The following CDH18 variants were observed in gnomAD, a reference collection of about 807,000 sequenced individuals.
The protein encoded by CDH18 is cadherin 18.
In CDH18, 31 loss-of-function variants were observed where a neutral mutation model predicts 67.9. The ratio of observed to expected loss-of-function variants is 0.46; its 90% CI spans 0.34 to 0.62. The LOEUF (loss-of-function observed/expected upper bound fraction) is 0.62, where lower values mean the gene tolerates loss of function less well. Among genes scored for constraint, CDH18 ranks in the 20% least tolerant of loss-of-function variants. The pLI is 0.01. For synonymous variants in CDH18, 362 were observed against 347.2 expected (o/e 1.04, Z -0.48); for missense variants, 890 against 975.5 (o/e 0.91, Z 1.17).
rs1438363834 is a variant in CDH18, at chr5:19,567,055, G to A, written c.1253+4524C>T. The stretch of plus-strand genomic sequence containing the variant: ...ACAATTGAACCCAAGGAGATAGGGG[G>A]TAGAATAATGGTTGTCAGAGGCTAG... On this transcript the variant is annotated intron_variant, in intron 8 of 12. Transcript: ENST00000382275. Among the ~76,000 whole-genome samples the A allele has an allele frequency of 4.6e-5, 7 of 152,050 alleles. No individual in the cohort carries two copies. In the East Asian group the frequency reaches 9.7e-4, roughly 21 times the overall value.
Position 19,668,534 on chromosome 5 carries a change from C to T in CDH18, c.643+52813G>A, listed in dbSNP as rs147312728. Among the ~76,000 whole-genome samples the T allele has an allele frequency of 7.6e-4, 116 of 152,046 alleles. 2 individuals carry two copies. Among genetic ancestry groups the T allele is most frequent in the Admixed American group, 4.7e-3 (71 of 15,256 alleles). On this transcript the variant is annotated intron_variant, in intron 5 of 12. Coordinates refer to ENST00000382275, the MANE Select transcript of CDH18 (RefSeq NM_004934.5). Reference sequence around the variant, plus strand: ...GATAACTGTCTATCAAGCATGGCTGCAGAGACTTATCAAGTCAGTATCATA... The same window carrying T: ...GATAACTGTCTATCAAGCATGGCTGTAGAGACTTATCAAGTCAGTATCATA...
chr5:20,210,514 A>G (rs1402241258), intron 2 of CDH18, among the ~76,000 whole-genome samples: 4 of 152,020 alleles, frequency 2.6e-5, no homozygotes, highest in African/African-American at 9.6e-5. Flanking sequence ...AATTAGTTTC[A>G]ATCTTAATCT....
intron 2 of CDH18, among the ~76,000 whole-genome samples, chr5:20,172,191 T>TGTATATATATAC (rs58954524): frequency 1.8e-4 from 1 of 5,518 alleles, no homozygotes; most frequent in Non-Finnish European, 4.9e-4. Flanking sequence ...GCATTGTGTG[T>TGTATATATATAC]ATATATATAT....
At chr5:20,188,889 T>C (rs1352575561) in intron 2 of CDH18, among the ~76,000 whole-genome samples, 1 of 151,334 alleles carries the variant, frequency 6.6e-6, no homozygotes, top group Non-Finnish European at 1.5e-5. Flanking sequence ...GGATATATAC[T>C]TTCCATTTTG....
chr5:20,284,405 T>G (rs907297663), intron 1 of CDH18, among the ~76,000 whole-genome samples: 2 of 151,964 alleles, frequency 1.3e-5, no homozygotes, highest in Non-Finnish European at 2.9e-5. Flanking sequence ...AAAAATGTTT[T>G]AAAAGTCATT....
chr5:19,562,767 T>C (rs1739679828), intron 8 of CDH18, among the ~76,000 whole-genome samples: 1 of 152,108 alleles, frequency 6.6e-6, no homozygotes, highest in African/African-American at 2.4e-5. Flanking sequence ...ACATTCAAAT[T>C]CTCAACAAGA....
intron 6 of CDH18, among the ~76,000 whole-genome samples, chr5:19,596,705 C>T (rs1030567141): frequency 2.6e-5 from 4 of 152,112 alleles, no homozygotes; most frequent in Non-Finnish European, 5.9e-5. Context: ...AAATATGAAA[C>T]AGATTCCTGG....
chr5:20,037,902 A>T (rs546723989), intron 2 of CDH18, among the ~76,000 whole-genome samples: 1 of 152,238 alleles, frequency 6.6e-6, no homozygotes, highest in East Asian at 1.9e-4. Context: ...TCAAAAAATC[A>T]ATGAATCCAG....
At chr5:19,812,194 A>G (rs1011701334) in intron 3 of CDH18, among the ~76,000 whole-genome samples, 1 of 152,174 alleles carries the variant, frequency 6.6e-6, no homozygotes, top group African/African-American at 2.4e-5. Context: ...TCTGTTAAAA[A>G]TAAATAGAGT....
chr5:20,009,498 T>A (rs1216743150), intron 2 of CDH18, among the ~76,000 whole-genome samples: 1 of 152,158 alleles, frequency 6.6e-6, no homozygotes, highest in African/African-American at 2.4e-5. Flanking sequence ...CAGAGTATAA[T>A]CTTTATACAT....
intron 2 of CDH18, among the ~76,000 whole-genome samples, chr5:20,119,480 C>T (rs560786887): frequency 6.7e-4 from 102 of 152,176 alleles, no homozygotes; most frequent in African/African-American, 2.4e-3. Context: ...CCTTATCTGT[C>T]TTATTTGAGT....
chr5:20,537,071 A>G (rs1208563770), intron 1 of CDH18, among the ~76,000 whole-genome samples: 1 of 152,112 alleles, frequency 6.6e-6, no homozygotes, highest in African/African-American at 2.4e-5. Context: ...CTGTTGGGCA[A>G]CAGGCTCCAG....
intron 12 of CDH18, among the ~76,000 whole-genome samples, chr5:19,474,853 G>A (rs894912729): frequency 1.3e-5 from 2 of 151,944 alleles, no homozygotes; most frequent in East Asian, 1.9e-4. Context: ...AATGTGTCTT[G>A]GGAACTTTGC....
intron 5 of CDH18, among the ~76,000 whole-genome samples, chr5:19,634,569 AT>A (rs1451880979): frequency 6.6e-6 from 1 of 152,178 alleles, no homozygotes; most frequent in East Asian, 1.9e-4. Flanking sequence ...CATTTTTCTT[AT>A]TGTTTTATGT....
At chr5:19,828,036 G>T (rs1188749041) in intron 3 of CDH18, among the ~76,000 whole-genome samples, 1 of 151,724 alleles carries the variant, frequency 6.6e-6, no homozygotes, top group Non-Finnish European at 1.5e-5. Flanking sequence ...AATTACAAAG[G>T]GTACATTACC....
chr5:19,502,144 G>A (rs745610875), intron 11 of CDH18, among the ~76,000 whole-genome samples: 4 of 152,214 alleles, frequency 2.6e-5, no homozygotes, highest in East Asian at 1.9e-4. Context: ...ATCTTCTCCC[G>A]GAAGTGAAGA....
At chr5:19,605,457 CTTTAT>C (rs1747880371) in intron 6 of CDH18, among the ~76,000 whole-genome samples, 1 of 151,658 alleles carries the variant, frequency 6.6e-6, no homozygotes, top group South Asian at 2.1e-4. Flanking sequence ...ATAATTTCAT[CTTTAT>C]TTTAGAGTTC....
intron 8 of CDH18, among the ~76,000 whole-genome samples, chr5:19,567,699 T>G (rs2149915856): frequency 6.6e-6 from 1 of 152,290 alleles, no homozygotes; most frequent in African/African-American, 2.4e-5. Context: ...GGAGTCTAAT[T>G]ATTTTAAGGC....
At chr5:20,431,504 A>AAAAATAAG in intron 1 of CDH18, among the ~76,000 whole-genome samples, 1 of 138,810 alleles carries the variant, frequency 7.2e-6, no homozygotes, top group Non-Finnish European at 1.5e-5. Flanking sequence ...AAAAAAAAAA[A>AAAAATAAG]AAGAAGAAGA....
Sources: allele counts gnomAD v4.1 joint callset (sites outside exome capture counted in the v4.1 genomes callset), GRCh38; gene constraint gnomAD v4.1.1; transcripts MANE v1.5; gene names NCBI Gene and HGNC (gene_info 2026-07-23, HGNC 2026-07-21).